Variants in SLC12A5 observed in about 807,000 individuals in gnomAD.
The protein encoded by SLC12A5 is K-Cl cotransporter 2.
A neutral mutation model predicts 124.0 loss-of-function variants in SLC12A5; 18 were observed. That is an observed-to-expected ratio of 0.15 (90% CI 0.10 to 0.22). The LOEUF (loss-of-function observed/expected upper bound fraction) is 0.22. Ranked by LOEUF, SLC12A5 falls within the 10% of genes least tolerant of loss-of-function variation. The pLI is 1.00. For missense variants in SLC12A5, 867 were observed against 1,478.7 expected (o/e 0.59, Z 6.78); for synonymous variants, 589 against 568.0 (o/e 1.04, Z -0.53).
chr20:46,056,046 C>T lies in SLC12A5; in HGVS notation c.2788-104C>T. Reference sequence around the variant, plus strand: ...CAATATTTTAACAACTGGTACAGTTCCAGAAAGTGCATCCTGGCTGAACAT... The same window carrying T: ...CAATATTTTAACAACTGGTACAGTTTCAGAAAGTGCATCCTGGCTGAACAT... On this transcript the variant is annotated intron_variant, in intron 21 of 25. Transcript: ENST00000243964. This position sits in a 1 kb window ranked among gnomAD's most constrained non-coding sequence, Gnocchi z 4.3. 1 of 1,500,152 alleles carries T rather than the reference C, an allele frequency of 6.7e-7. No individual in the cohort carries two copies. Among genetic ancestry groups the T allele is most frequent in the Non-Finnish European group, 9.0e-7 (1 of 1,107,360 alleles). 92.9% of individuals were successfully genotyped at this position (1,500,152 alleles called of 1,614,324 possible).
chr20:46,051,937 A>C, intron 18 of SLC12A5, 67 bp downstream of exon 18: 1 of 1,312,396 alleles, frequency 7.6e-7, no homozygotes, highest in Non-Finnish European at 1.0e-6. Flanking sequence ...GTGGAACTGG[A>C]TTTCCGCTCC....
chr20:46,037,448 T>C (rs1468360450), intron 6 of SLC12A5, 63 bp downstream of exon 6: 1 of 1,525,394 alleles, frequency 6.6e-7, no homozygotes, highest in East Asian at 2.3e-5. Flanking sequence ...CAGTGCTCCC[T>C]GGACACCTCC....
At chr20:46,047,304 A>G (rs545289151) in intron 14 of SLC12A5, 150 bp from the exon 15 acceptor site, 1 of 974,594 alleles carries the variant, frequency 1.0e-6, no homozygotes, top group East Asian at 2.6e-5. Flanking sequence ...CGTAGTCCTC[A>G]TGGGGATGAT....
Position 46,045,150 on chromosome 20 carries a change from G to A in SLC12A5, c.1569+10G>A. 6.4e-7 allele frequency: 1 copy of A among 1,557,624 alleles called. No homozygotes were observed. The highest frequency in any genetic ancestry group is 1.3e-5 in the African/African-American group (1 of 74,074). On this transcript the variant is annotated intron_variant, in intron 12 of 25. Coordinates refer to ENST00000243964, the MANE Select transcript of SLC12A5 (RefSeq NM_020708.5). This position sits in a 1 kb window ranked among gnomAD's most constrained non-coding sequence, Gnocchi z 4.9. Reference sequence around the variant, plus strand: ...TGTGCCCTTCCTGCAGGTCAGTGTGGGAGAAGAACAGCCCACCCTCAGTAG... The same window carrying A: ...TGTGCCCTTCCTGCAGGTCAGTGTGAGAGAAGAACAGCCCACCCTCAGTAG...
At position 46,057,246 on chromosome 20, in the gene SLC12A5, A is replaced by G; in HGVS notation, c.3202A>G (p.Lys1068Glu). The G allele has an allele frequency of 6.2e-7, 1 of 1,614,186 alleles. No individual in the cohort carries two copies. The highest frequency in any genetic ancestry group is 8.5e-7 in the Non-Finnish European group (1 of 1,180,032). ...EVIVKKSRDA[K>E]LVLLNMPGPP... ...CATCGTGAAGAAATCCCGGGACGCC[A>G]AGCTTGTTTTGCTCAACATGCCTGG... Residue 1068 changes from lysine (K) to glutamate (E), a missense_variant, in exon 25 of 26, where the codon AAG becomes GAG. Lys to Glu is a moderately conservative substitution (Grantham distance 56). This residue lies in a region of SLC12A5 where 180 missense variants were observed against 243.6 expected (regional missense o/e 0.74). Coordinates refer to ENST00000243964, the MANE Select transcript of SLC12A5 (RefSeq NM_020708.5). The surrounding 1 kb of genome is among the most constrained non-coding windows in gnomAD (Gnocchi z 7.1).
At chr20:46,039,329 T>C (rs1408753092) in intron 6 of SLC12A5, among the ~76,000 whole-genome samples, 3 of 152,254 alleles carry the variant, frequency 2.0e-5, no homozygotes, top group African/African-American at 7.2e-5. Flanking sequence ...TTTGATGTAC[T>C]TATGAAAACA....
chr20:46,029,267 G>C lies in SLC12A5; in HGVS notation c.-78G>C, dbSNP rs1600585727. On this transcript the variant is annotated 5_prime_UTR_variant, in exon 1 of 26. Coordinates refer to ENST00000243964, the MANE Select transcript of SLC12A5 (RefSeq NM_020708.5). ...AGAGCGAGACAGAGCTACAGCGAACGAGAGAGCGGCGAAGGCGGGTAGAGG... is the reference window on the plus strand; with the variant it reads ...AGAGCGAGACAGAGCTACAGCGAACCAGAGAGCGGCGAAGGCGGGTAGAGG... 2 of 1,500,740 alleles carry C rather than the reference G, an allele frequency of 1.3e-6. No individual in the cohort carries two copies. The highest frequency in any genetic ancestry group is 1.7e-4 in the Middle Eastern group (1 of 5,738). 93.0% of individuals were successfully genotyped at this position (1,500,740 alleles called of 1,614,324 possible).
Position 46,041,538 on chromosome 20 carries a change from A to G in SLC12A5, c.1064A>G (p.Lys355Arg). 1 of 1,613,724 alleles carries G rather than the reference A, an allele frequency of 6.2e-7. No individual in the cohort carries two copies. The highest frequency in any genetic ancestry group is 8.5e-7 in the Non-Finnish European group (1 of 1,179,884). The change falls in exon 8 of 26, where the codon AAA (lysine) becomes AGA (arginine). Residue 355 changes from lysine to arginine, a missense_variant and splice_region_variant. This residue lies in a region of SLC12A5 where 127 missense variants were observed against 164.1 expected (regional missense o/e 0.77). Coordinates refer to ENST00000243964, the MANE Select transcript of SLC12A5 (RefSeq NM_020708.5). ...CCTGGTGCTGCCAGTGGCCTCATCA[A>G]AGGTCTGCGGAGGGACAAGGGCTGG... is the stretch of plus-strand genomic sequence containing the variant. ...GIPGAASGLI[K>R]ENLWSSYLTK...
rs1271576929 is a variant in SLC12A5, at chr20:46,053,126, G to A, written c.2547G>A (p.Lys849=). The part of the protein sequence containing the change: ...MLLPFLLRHH[K]VWRKCKMRIF... ...TGCCCTTCCTGCTGCGGCACCACAA[G>A]GTGAGTTGTGTGCGTGAGTGTATGC... The change falls in exon 19 of 26, where the codon AAG becomes AAA. Residue 849 remains lysine, a splice_region_variant and synonymous_variant. Transcript: ENST00000243964. This position sits in a 1 kb window ranked among gnomAD's most constrained non-coding sequence, Gnocchi z 4.7. The A allele has an allele frequency of 1.2e-6, 2 of 1,608,390 alleles. No individual in the cohort carries two copies.
chr20:46,030,525 C>T (rs1328573771), intron 1 of SLC12A5, among the ~76,000 whole-genome samples: 1 of 151,960 alleles, frequency 6.6e-6, no homozygotes, highest in African/African-American at 2.4e-5. Context: ...ACCCCCACCC[C>T]CCACTCTCCA....
Position 46,029,307 on chromosome 20 carries a change from G to C in SLC12A5, c.-38G>C. On this transcript the variant is annotated 5_prime_UTR_variant, in exon 1 of 26. Transcript: ENST00000243964. ...GCGGGTAGAGGGGCGCGGGCGAGGC[G>C]GCGCAGCCATCCCCGGACCAGGGGC... is the stretch of plus-strand genomic sequence containing the variant. 1 of 1,519,534 alleles carries C rather than the reference G, an allele frequency of 6.6e-7. No individual in the cohort carries two copies. Among genetic ancestry groups the C allele is most frequent in the Non-Finnish European group, 8.8e-7 (1 of 1,134,110 alleles). The allele number at this position is 1,519,534 out of a possible 1,614,324, so 94.1% of individuals were successfully genotyped here.
At position 46,057,029 on chromosome 20, in the gene SLC12A5, G is replaced by A; in HGVS notation, c.3125+118G>A. ...ACCTCTGGGATCTCTGAATAGCCTA[G>A]CCTGGAGATGTTTAGGATTGGTGGT... On this transcript the variant is annotated intron_variant, in intron 24 of 25. Coordinates refer to ENST00000243964, the MANE Select transcript of SLC12A5 (RefSeq NM_020708.5). This position sits in a 1 kb window ranked among gnomAD's most constrained non-coding sequence, Gnocchi z 7.1. 1.3e-6 allele frequency: 2 copies of A among 1,589,284 alleles called. No homozygotes were observed. Among genetic ancestry groups the A allele is most frequent in the South Asian group, 2.2e-5 (2 of 90,326 alleles).
intron 17 of SLC12A5, among the ~76,000 whole-genome samples, chr20:46,051,200 A>G (rs16991026): frequency 0.027 from 4,163 of 152,308 alleles, 150 homozygotes; most frequent in Admixed American, 0.11. Flanking sequence ...TTTCCCTCAT[A>G]GTACAGTTTA....
At chr20:46,028,835 C>T (rs949245919), upstream of SLC12A5, among the ~76,000 whole-genome samples, 5 of 152,172 alleles carry the variant, frequency 3.3e-5, no homozygotes, top group Admixed American at 6.5e-5. Flanking sequence ...CGCTGCGGGG[C>T]CGCCTCCCCG....
At chr20:46,047,309 G>A in intron 14 of SLC12A5, 145 bp from the exon 15 acceptor site, 1 of 1,017,776 alleles carries the variant, frequency 9.8e-7, no homozygotes, top group Non-Finnish European at 1.4e-6. Flanking sequence ...TCCTCATGGG[G>A]ATGATGGTGT....
chr20:46,053,438 C>CA lies in SLC12A5; in HGVS notation c.2548-137dup, dbSNP rs2084663580. On this transcript the variant is annotated intron_variant, in intron 19 of 25. Transcript: ENST00000243964. The surrounding 1 kb of genome is among the most constrained non-coding windows in gnomAD (Gnocchi z 4.7). ...GGGAAGGTTTTGTAGAGAGTGGCCCCAAAGACAGAGGATTTGGGGTCTGCA... is the reference window on the plus strand; with the variant it reads ...GGGAAGGTTTTGTAGAGAGTGGCCCCAAAAGACAGAGGATTTGGGGTCTGCA... 2 of 1,232,252 alleles carry CA rather than the reference C, an allele frequency of 1.6e-6. No individual in the cohort carries two copies. Among genetic ancestry groups the CA allele is most frequent in the Admixed American group, 4.2e-5 (2 of 48,178 alleles). The allele number at this position is 1,232,252 out of a possible 1,614,324, so 76.3% of individuals were successfully genotyped here.
At chr20:46,024,612 A>G (rs1486059533), upstream of SLC12A5, among the ~76,000 whole-genome samples, 1 of 152,166 alleles carries the variant, frequency 6.6e-6, no homozygotes, top group Non-Finnish European at 1.5e-5. Flanking sequence ...GGTGTGTATT[A>G]TCTTTTACTC....
chr20:46,037,388 A>G lies in SLC12A5; in HGVS notation c.612+3A>G. 6.2e-7 allele frequency: 1 copy of G among 1,607,164 alleles called. No homozygotes were observed. Among genetic ancestry groups the G allele is most frequent in the Non-Finnish European group, 8.5e-7 (1 of 1,176,042 alleles). ...TGGGCACCATCGAAATCCTGCTGGT[A>G]AGAGAGGCTGAGGAGGAGGTGTGGA... On this transcript the variant is annotated splice_donor_region_variant and intron_variant, in intron 6 of 25. Coordinates refer to ENST00000243964, the MANE Select transcript of SLC12A5 (RefSeq NM_020708.5).
At chr20:46,036,638 C>A (rs2145483690) in intron 4 of SLC12A5, 103 bp from the exon 5 acceptor site, 3 of 1,222,330 alleles carry the variant, frequency 2.5e-6, no homozygotes, top group Non-Finnish European at 3.6e-6. Context: ...CAGAAGAGAA[C>A]CTGTGGGTTT....
Sources: allele counts gnomAD v4.1 joint callset (sites outside exome capture counted in the v4.1 genomes callset), GRCh38; gene constraint gnomAD v4.1.1; regional missense constraint gnomAD v4.1.1; non-coding constraint Gnocchi (gnomAD v3.1); transcripts MANE v1.5; gene names NCBI Gene and HGNC (gene_info 2026-07-23, HGNC 2026-07-21).